ATP13A5: variants seen among roughly 807,000 people sequenced by gnomAD.
The protein encoded by ATP13A5 is probable cation-transporting ATPase 13A5.
Under a neutral mutation model 150.2 loss-of-function variants are expected in ATP13A5, and 149 were observed. The ratio of observed to expected loss-of-function variants is 0.99; its 90% CI spans 0.87 to 1.14. ATP13A5 has a LOEUF of 1.14. ATP13A5 is among the 50% of genes most tolerant of loss of function. ATP13A5 has a pLI of 0.00. For synonymous variants in ATP13A5, 497 were observed against 522.2 expected (o/e 0.95, Z 0.66); for missense variants, 1,383 against 1,449.3 (o/e 0.95, Z 0.74).
At chr3:193,322,831 AGGTCCAT>A (rs1719333565) in intron 14 of ATP13A5, among the ~76,000 whole-genome samples, 1 of 152,240 alleles carries the variant, frequency 6.6e-6, no homozygotes, top group Admixed American at 6.5e-5. Context: ...TGCTAGCTAC[AGGTCCAT>A]GGATCTTTCT....
intron 1 of ATP13A5, among the ~76,000 whole-genome samples, chr3:193,375,246 A>G (rs1043018386): frequency 5.3e-5 from 8 of 152,222 alleles, no homozygotes; most frequent in African/African-American, 1.9e-4. Flanking sequence ...TACCTCATTT[A>G]ATCCTCACCA....
chr3:193,290,201 A>C (rs1717894685), intron 25 of ATP13A5, 142 bp from the exon 26 acceptor site: 1 of 756,656 alleles, frequency 1.3e-6, no homozygotes, highest in African/African-American at 1.8e-5. Flanking sequence ...CTAGGTAAGC[A>C]CATTGCCTGG....
In ATP13A5 at chr3:193,314,168, A is replaced by T; in HGVS notation, c.2184T>A (p.Thr728=). The T allele has an allele frequency of 6.2e-7, 1 of 1,613,840 alleles. No individual in the cohort carries two copies. Among genetic ancestry groups the T allele is most frequent in the Non-Finnish European group, 8.5e-7 (1 of 1,179,800 alleles). ...ITGDNLQTAI[T]VAKNSEMIPP... ...GGATCATTTCAGAATTCTTTGCAAC[A>T]GTAATGGCCGTTTGAAGGTTATCAC... The change falls in exon 19 of 30, where the codon ACT becomes ACA. Residue 728 remains threonine, a synonymous_variant. Transcript: ENST00000342358.
At chr3:193,306,942 C>G (rs139223172) in intron 22 of ATP13A5, among the ~76,000 whole-genome samples, 140 of 152,210 alleles carry the variant, frequency 9.2e-4, no homozygotes, top group African/African-American at 3.3e-3. Flanking sequence ...TTTCAAACTT[C>G]GTTTCATTGA....
At chr3:193,358,968 G>A (rs919481358) in intron 5 of ATP13A5, among the ~76,000 whole-genome samples, 1 of 152,010 alleles carries the variant, frequency 6.6e-6, no homozygotes, top group African/African-American at 2.4e-5. Flanking sequence ...TACTTTAAAT[G>A]GGCCAAGATC....
rs778020787 is a variant in ATP13A5, at chr3:193,324,997, C to A, written c.1541G>T (p.Ser514Ile). The A allele has an allele frequency of 1.2e-6, 2 of 1,610,658 alleles. No individual in the cohort carries two copies. Among genetic ancestry groups the A allele is most frequent in the African/African-American group, 2.7e-5 (2 of 74,760 alleles). Residue 514 changes from serine to isoleucine, a missense_variant, in exon 14 of 30, where the codon AGC becomes ATC. Physicochemically the swap from Ser to Ile is moderately radical, Grantham distance 142. Around this residue, in one of 3 missense-constraint regions of ATP13A5, gnomAD observed 787 missense variants for 771.9 expected, o/e 1.02. Coordinates refer to ENST00000342358, the MANE Select transcript of ATP13A5 (RefSeq NM_198505.4). ...TADNCFQEAH[S>I]FASGQAVPWS... ...TGGCACAGCCTGGCCTGAGGCAAAG[C>A]TGTGGGCTTCCTGGAAGCTGGTAGA...
intron 9 of ATP13A5, among the ~76,000 whole-genome samples, chr3:193,341,101 A>T (rs181076402): frequency 2.3e-4 from 35 of 152,260 alleles, no homozygotes; most frequent in Admixed American, 3.9e-4. Context: ...CACAATGCCT[A>T]ATACATATGA....
At chr3:193,335,159 G>A in intron 9 of ATP13A5, 60 bp from the exon 10 acceptor site, 1 of 1,508,050 alleles carries the variant, frequency 6.6e-7, no homozygotes, top group Non-Finnish European at 9.2e-7. Context: ...CAGAACTGGT[G>A]CATGCCAGTT....
chr3:193,315,108 G>A lies in ATP13A5; in HGVS notation c.2034-12C>T, dbSNP rs908964278. 1.2e-6 allele frequency: 2 copies of A among 1,605,712 alleles called. No homozygotes were observed. The highest frequency in any genetic ancestry group is 1.7e-6 in the Non-Finnish European group (2 of 1,174,714). On this transcript the variant is annotated splice_polypyrimidine_tract_variant and intron_variant, in intron 17 of 29. Coordinates refer to ENST00000342358, the MANE Select transcript of ATP13A5 (RefSeq NM_198505.4). ...ACTCCACTTTTTCTCTTTGTATTCA[G>A]GAGAAAATCAATATTAAAGTATATC...
intron 9 of ATP13A5, among the ~76,000 whole-genome samples, chr3:193,342,122 A>G (rs1349453971): frequency 1.3e-5 from 2 of 152,194 alleles, no homozygotes; most frequent in Non-Finnish European, 2.9e-5. Flanking sequence ...TTTGTTTTAT[A>G]CCATGATGAA....
intron 14 of ATP13A5, 29 bp downstream of exon 14, chr3:193,324,835 C>T: frequency 6.2e-7 from 1 of 1,602,516 alleles, no homozygotes; most frequent in Non-Finnish European, 8.5e-7. Context: ...TCCTCAGATT[C>T]TCATCTTTCC....
At chr3:193,333,380 T>C (rs537190039) in intron 11 of ATP13A5, among the ~76,000 whole-genome samples, 1 of 152,260 alleles carries the variant, frequency 6.6e-6, no homozygotes, top group East Asian at 1.9e-4. Flanking sequence ...TCAGAGGTCT[T>C]TAGTGACAAC....
chr3:193,341,163 T>A (rs1045650218), intron 9 of ATP13A5, among the ~76,000 whole-genome samples: 1 of 122,302 alleles, frequency 8.2e-6, no homozygotes, highest in African/African-American at 3.4e-5. Context: ...AATTAACATA[T>A]TCCCCCCCCC....
At chr3:193,321,336 T>G (rs1372386408) in intron 16 of ATP13A5, among the ~76,000 whole-genome samples, 3 of 152,176 alleles carry the variant, frequency 2.0e-5, no homozygotes, top group Non-Finnish European at 4.4e-5. Context: ...GTTGGCTTTA[T>G]GTATTTGGTC....
Position 193,364,258 on chromosome 3 carries a change from T to G in ATP13A5, c.86A>C (p.His29Pro). ...AAGGCAGAAGGCTTTCCGTACATTG[T>G]GGTCCCGGTAACCAAACACCTCCTG... ...DELEVFGYRD[H>P]NVRKAFCLVA... is the part of the protein sequence containing the mutation. Residue 29 changes from histidine to proline, a missense_variant, in exon 2 of 30, where the codon CAC becomes CCC. By Grantham distance (77) the His-to-Pro change is moderately conservative. Coordinates refer to ENST00000342358, the MANE Select transcript of ATP13A5 (RefSeq NM_198505.4). The G allele has an allele frequency of 6.2e-7, 1 of 1,613,814 alleles. No individual in the cohort carries two copies. Among genetic ancestry groups the G allele is most frequent in the Non-Finnish European group, 8.5e-7 (1 of 1,179,844 alleles).
At chr3:193,358,985 A>G (rs1387304862) in intron 5 of ATP13A5, among the ~76,000 whole-genome samples, 1 of 152,168 alleles carries the variant, frequency 6.6e-6, no homozygotes, top group Admixed American at 6.5e-5. Flanking sequence ...GATCCATAGA[A>G]CCGTGGATCT....
At chr3:193,276,598 T>C (rs1172599008) in intron 29 of ATP13A5, 152 bp downstream of exon 29, 2 of 605,288 alleles carry the variant, frequency 3.3e-6, no homozygotes, top group Non-Finnish European at 5.9e-6. Flanking sequence ...CCCCCCAAAA[T>C]TTTCCTCCAA....
At chr3:193,338,714 G>T (rs1711994651) in intron 9 of ATP13A5, among the ~76,000 whole-genome samples, 1 of 152,070 alleles carries the variant, frequency 6.6e-6, no homozygotes, top group South Asian at 2.1e-4. Context: ...TTGTGTCTCT[G>T]CCAGGCTTTG....
chr3:193,284,032 A>ATTATTATTTTTT (rs1274851620), intron 27 of ATP13A5, among the ~76,000 whole-genome samples: 1 of 149,348 alleles, frequency 6.7e-6, no homozygotes, highest in African/African-American at 2.5e-5. Flanking sequence ...TATTATTATT[A>ATTATTATTTTTT]TTTTTTGAGA....
Sources: allele counts gnomAD v4.1 joint callset (sites outside exome capture counted in the v4.1 genomes callset), GRCh38; gene constraint gnomAD v4.1.1; regional missense constraint gnomAD v4.1.1; transcripts MANE v1.5; gene names NCBI Gene and HGNC (gene_info 2026-07-23, HGNC 2026-07-21).